RAPGEF2: variants seen among roughly 807,000 people sequenced by gnomAD.
The protein encoded by RAPGEF2 is Rap guanine nucleotide exchange factor 2, also known as PDZ domain containing guanine nucleotide exchange factor (GEF) 1.
In RAPGEF2, 54 loss-of-function variants were observed where a neutral mutation model predicts 186.7. The ratio of observed to expected loss-of-function variants is 0.29; its 90% confidence interval spans 0.23 to 0.36. The LOEUF (loss-of-function observed/expected upper bound fraction) is 0.36, where lower values mean the gene tolerates loss of function less well. Ranked by LOEUF, RAPGEF2 falls within the 10% of genes least tolerant of loss-of-function variation. The pLI is 1.00. For synonymous variants in RAPGEF2, 712 were observed against 705.9 expected (o/e 1.01, Z -0.14); for missense variants, 1,532 against 2,045.0 (o/e 0.75, Z 4.84).
intron 1 of RAPGEF2, among the ~76,000 whole-genome samples, chr4:159,105,756 G>A (rs1020539854): frequency 6.6e-5 from 10 of 152,206 alleles, no homozygotes; most frequent in African/African-American, 1.4e-4. Flanking sequence ...CTGTCTCAGT[G>A]TGAAGGAAAA....
At chr4:159,134,707 C>T (rs919488607) in intron 1 of RAPGEF2, among the ~76,000 whole-genome samples, 1 of 152,168 alleles carries the variant, frequency 6.6e-6, no homozygotes, top group Non-Finnish European at 1.5e-5. Context: ...AATTTAGAAA[C>T]AACTTTATTG....
chr4:159,277,772 T>G (rs1759112510), intron 7 of RAPGEF2, among the ~76,000 whole-genome samples: 1 of 152,200 alleles, frequency 6.6e-6, no homozygotes, highest in South Asian at 2.1e-4. Flanking sequence ...TTTATGGGGT[T>G]GTTTGATTTT....
At chr4:159,177,384 A>G (rs1746545722) in intron 1 of RAPGEF2, among the ~76,000 whole-genome samples, 1 of 152,034 alleles carries the variant, frequency 6.6e-6, no homozygotes. Flanking sequence ...TTTTTCCAGG[A>G]TCTGATTTTG....
intron 1 of RAPGEF2, among the ~76,000 whole-genome samples, chr4:159,173,785 T>C (rs1230212805): frequency 6.6e-6 from 1 of 152,212 alleles, no homozygotes; most frequent in Non-Finnish European, 1.5e-5. Flanking sequence ...ACTTAAATGT[T>C]AAATGTAATC....
chr4:159,131,481 A>G (rs1028831127), intron 1 of RAPGEF2, among the ~76,000 whole-genome samples: 1 of 141,278 alleles, frequency 7.1e-6, no homozygotes, highest in Non-Finnish European at 1.5e-5. Flanking sequence ...TTAAAGACTT[A>G]AATGTATTAT....
intron 1 of RAPGEF2, among the ~76,000 whole-genome samples, chr4:159,139,340 A>G (rs991727575): frequency 2.6e-5 from 4 of 152,246 alleles, no homozygotes; most frequent in Admixed American, 1.3e-4. Flanking sequence ...AAGTGTTTCC[A>G]TTAAAAGGAT....
intron 7 of RAPGEF2, among the ~76,000 whole-genome samples, chr4:159,288,684 G>C (rs1230349589): frequency 6.6e-6 from 1 of 152,090 alleles, no homozygotes; most frequent in Non-Finnish European, 1.5e-5. Flanking sequence ...GTACCACTCA[G>C]CCTTTCTCAC....
chr4:159,143,661 G>A (rs971879435), intron 1 of RAPGEF2, among the ~76,000 whole-genome samples: 1 of 152,066 alleles, frequency 6.6e-6, no homozygotes, highest in Admixed American at 6.5e-5. Context: ...CTGGGTAAGA[G>A]CTGGATCAAA....
chr4:159,345,507 C>T (rs1730151337), intron 24 of RAPGEF2, among the ~76,000 whole-genome samples, 178 bp downstream of exon 24: 1 of 152,186 alleles, frequency 6.6e-6, no homozygotes, highest in Admixed American at 6.5e-5. Flanking sequence ...TGTGCACGGC[C>T]AGGCCGTCAT....
chr4:159,184,488 G>A (rs1295171255), intron 1 of RAPGEF2, among the ~76,000 whole-genome samples: 3 of 152,094 alleles, frequency 2.0e-5, no homozygotes, highest in Admixed American at 6.5e-5. Flanking sequence ...TTCTCTGATG[G>A]CCAGTGATGA....
intron 1 of RAPGEF2, among the ~76,000 whole-genome samples, chr4:159,170,535 A>T (rs748530065): frequency 6.6e-6 from 1 of 152,216 alleles, no homozygotes; most frequent in Non-Finnish European, 1.5e-5. Context: ...ATATGGAAGG[A>T]TGTGCATAGG....
chr4:159,322,201 A>T, intron 9 of RAPGEF2, 146 bp from the exon 10 acceptor site: 1 of 590,936 alleles, frequency 1.7e-6, no homozygotes, highest in Non-Finnish European at 2.9e-6. Flanking sequence ...CAAGAAATTC[A>T]GCTGGTGCTA....
chr4:159,253,636 C>T (rs1379518685), intron 7 of RAPGEF2, among the ~76,000 whole-genome samples: 1 of 152,014 alleles, frequency 6.6e-6, no homozygotes, highest in African/African-American at 2.4e-5. Context: ...TCCGAATAAC[C>T]ATAGTTTTTT....
At chr4:159,309,167 G>A (rs1763654497) in intron 8 of RAPGEF2, among the ~76,000 whole-genome samples, 1 of 152,136 alleles carries the variant, frequency 6.6e-6, no homozygotes, top group African/African-American at 2.4e-5. Context: ...TATGCCTTCT[G>A]CCTGGAATGT....
At chr4:159,215,113 T>C (rs1011112319) in intron 4 of RAPGEF2, among the ~76,000 whole-genome samples, 3 of 152,158 alleles carry the variant, frequency 2.0e-5, no homozygotes, top group Admixed American at 2.0e-4. Flanking sequence ...TCCTCCCACC[T>C]TGGCCTCCCA....
chr4:159,292,368 A>G (rs1318263890), intron 7 of RAPGEF2, among the ~76,000 whole-genome samples: 1 of 152,196 alleles, frequency 6.6e-6, no homozygotes, highest in Non-Finnish European at 1.5e-5. Context: ...TGCAGGGGTC[A>G]GGCCTTCATT....
At chr4:159,165,457 C>G (rs1056075787) in intron 1 of RAPGEF2, among the ~76,000 whole-genome samples, 4 of 152,086 alleles carry the variant, frequency 2.6e-5, no homozygotes, top group Non-Finnish European at 5.9e-5. Flanking sequence ...CTATATATCT[C>G]TATCTGTATA....
intron 7 of RAPGEF2, chr4:159,266,772 G>A (rs545811793): frequency 3.1e-4 from 50 of 162,966 alleles, no homozygotes; most frequent in Admixed American, 5.7e-4. Context: ...TTGAGGATGG[G>A]ATAGAGGTCA....
chr4:159,284,780 G>A (rs1428952495), intron 7 of RAPGEF2, among the ~76,000 whole-genome samples: 2 of 152,138 alleles, frequency 1.3e-5, no homozygotes, highest in Non-Finnish European at 2.9e-5. Context: ...ACCTGGGTGC[G>A]GTGGCTTCAC....
Sources: allele counts gnomAD v4.1 joint callset (sites outside exome capture counted in the v4.1 genomes callset), GRCh38; gene constraint gnomAD v4.1.1; transcripts MANE v1.5; gene names NCBI Gene and HGNC (gene_info 2026-07-23, HGNC 2026-07-21).